TMEM132B: variants seen among roughly 807,000 people sequenced by gnomAD.
TMEM132B encodes the protein transmembrane protein 132B.
A neutral mutation model predicts 90.8 loss-of-function variants in TMEM132B; 18 were observed. The observed-to-expected ratio is 0.20, with a 90% CI of 0.14 to 0.29. The LOEUF (loss-of-function observed/expected upper bound fraction) is 0.29. TMEM132B is among the 10% of genes least tolerant of loss of function. The pLI is 1.00. For synonymous variants in TMEM132B, 504 were observed against 523.3 expected (o/e 0.96, Z 0.50); for missense variants, 1,096 against 1,326.8 (o/e 0.83, Z 2.70).
chr12:125,579,008 A>G (rs1374359640), intron 4 of TMEM132B, among the ~76,000 whole-genome samples: 1 of 152,182 alleles, frequency 6.6e-6, no homozygotes, highest in Non-Finnish European at 1.5e-5. Flanking sequence ...CACCTTTGCC[A>G]TTAATTACTC....
intron 1 of TMEM132B, among the ~76,000 whole-genome samples, chr12:125,331,807 G>T (rs901073927): frequency 6.6e-6 from 1 of 152,226 alleles, no homozygotes; most frequent in Non-Finnish European, 1.5e-5. Context: ...AGGCTGGAGT[G>T]TAGTGGTGTA....
chr12:125,388,168 C>T (rs1380969779), intron 2 of TMEM132B, among the ~76,000 whole-genome samples: 2 of 152,186 alleles, frequency 1.3e-5, no homozygotes, highest in Non-Finnish European at 2.9e-5. Flanking sequence ...TGGCTCACTC[C>T]TATAATCCCG....
chr12:125,267,579 A>C (rs1367008026), intron 1 of TMEM132B, among the ~76,000 whole-genome samples: 4 of 152,200 alleles, frequency 2.6e-5, no homozygotes, highest in African/African-American at 9.7e-5. Context: ...TGTCACACAG[A>C]AATGTTTCTC....
intron 1 of TMEM132B, among the ~76,000 whole-genome samples, chr12:125,247,210 G>C (rs940387667): frequency 6.6e-6 from 1 of 152,118 alleles, no homozygotes; most frequent in Admixed American, 6.5e-5. Context: ...GAGTTGTTCA[G>C]AACAATCCTA....
chr12:125,338,214 A>C (rs1877038467), intron 1 of TMEM132B, among the ~76,000 whole-genome samples: 1 of 152,186 alleles, frequency 6.6e-6, no homozygotes, highest in African/African-American at 2.4e-5. Context: ...GCTGCAAGTA[A>C]CAGAAGCCCT....
At chr12:125,525,011 G>A (rs1029126156) in intron 4 of TMEM132B, among the ~76,000 whole-genome samples, 4 of 152,178 alleles carry the variant, frequency 2.6e-5, no homozygotes, top group African/African-American at 9.7e-5. Context: ...GTTCTAGGCA[G>A]ATGGAATGAT....
At chr12:125,196,966 A>G (rs781203592) in intron 1 of TMEM132B, among the ~76,000 whole-genome samples, 10 of 152,034 alleles carry the variant, frequency 6.6e-5, no homozygotes, top group Non-Finnish European at 1.2e-4. Context: ...TTTGGTATTC[A>G]TTTTTCCTGC....
chr12:125,285,775 G>T (rs760678941), intron 1 of TMEM132B, among the ~76,000 whole-genome samples: 10 of 152,208 alleles, frequency 6.6e-5, no homozygotes, highest in Admixed American at 2.0e-4. Flanking sequence ...ATACTCCAGG[G>T]CCTGGCCTGG....
chr12:125,491,379 A>T (rs1052511217), intron 3 of TMEM132B, among the ~76,000 whole-genome samples: 6 of 152,114 alleles, frequency 3.9e-5, no homozygotes, highest in Admixed American at 1.3e-4. Context: ...AATTACTAAT[A>T]CAAAGCTTTT....
At position 125,637,130 on chromosome 12, in the gene TMEM132B, A is replaced by T. The variant is rs141581261; in HGVS notation, c.1438-6946A>T. Among the ~76,000 whole-genome samples the T allele has an allele frequency of 7.2e-3, 1,097 of 152,314 alleles. 5 individuals carry two copies. The highest frequency in any genetic ancestry group is 0.034 in the Middle Eastern group (10 of 294). The stretch of plus-strand genomic sequence containing the variant: ...AACTTAATAAAAATTATTAATTTGT[A>T]GTTTGATAAGGGTGGGAGAAATGCT... On this transcript the variant is annotated intron_variant, in intron 5 of 8. Coordinates refer to ENST00000682704, the MANE Select transcript of TMEM132B (RefSeq NM_001366854.1).
rs557599867 is a variant in TMEM132B, at chr12:125,537,605, G to T, written c.1293+17980G>T. 9.6e-4 allele frequency among the ~76,000 whole-genome samples: 147 copies of T among 152,332 alleles called. 1 individual carries two copies. The highest frequency in any genetic ancestry group is 3.4e-3 in the African/African-American group (141 of 41,568). On this transcript the variant is annotated intron_variant, in intron 4 of 8. Transcript: ENST00000682704. ...ATATTGATTGATGCCATCCCTGGCT[G>T]TTTCCACATGACAAAGGCAGAAGGG...
intron 1 of TMEM132B, among the ~76,000 whole-genome samples, chr12:125,263,149 G>A (rs150335640): frequency 2.5e-4 from 38 of 152,340 alleles, no homozygotes; most frequent in Non-Finnish European, 3.7e-4. Context: ...TTTTACATCT[G>A]TGGGGACAAT....
At chr12:125,334,152 G>C (rs767826604) in intron 1 of TMEM132B, among the ~76,000 whole-genome samples, 1 of 152,108 alleles carries the variant, frequency 6.6e-6, no homozygotes, top group Non-Finnish European at 1.5e-5. Context: ...TCATTAGTAT[G>C]AATTTTACCA....
intron 1 of TMEM132B, chr12:125,301,005 C>T (rs1284272875): frequency 1.3e-5 from 2 of 151,494 alleles, no homozygotes; most frequent in Admixed American, 6.6e-5. Flanking sequence ...TCCATTGCTA[C>T]GTGACTCTGG....
intron 3 of TMEM132B, among the ~76,000 whole-genome samples, chr12:125,499,737 G>A (rs540179959): frequency 1.5e-4 from 23 of 152,254 alleles, no homozygotes; most frequent in East Asian, 5.8e-4. Flanking sequence ...CTAGCTTCAC[G>A]TCCTGTTTCT....
rs1593043015 is a variant in TMEM132B at position 125,212,159 on chromosome 12, C to T, written c.67+25293C>T. On this transcript the variant is annotated intron_variant, in intron 1 of 8. Coordinates refer to ENST00000682704, the MANE Select transcript of TMEM132B (RefSeq NM_001366854.1). ...TGGGCTTTGCTTTGTGTTCTGCTTT[C>T]GATGGCAGGGCTTCCTATCCCAGTG... Among the ~76,000 whole-genome samples, 5 of 152,142 alleles carry T rather than the reference C, an allele frequency of 3.3e-5. 1 individual carries two copies. In the South Asian group the frequency reaches 6.2e-4, roughly 19 times the overall value.
At chr12:125,319,415 T>A (rs974144453) in intron 1 of TMEM132B, among the ~76,000 whole-genome samples, 4 of 152,182 alleles carry the variant, frequency 2.6e-5, no homozygotes, top group African/African-American at 9.7e-5. Flanking sequence ...GCTGCCGCCT[T>A]GTGTTCAAGC....
intron 1 of TMEM132B, among the ~76,000 whole-genome samples, chr12:125,227,796 G>A (rs1355716036): frequency 2.0e-5 from 3 of 152,126 alleles, no homozygotes; most frequent in Non-Finnish European, 4.4e-5. Context: ...CTGGTTGTGT[G>A]TAGGGCTGAA....
At chr12:125,345,986 TA>T (rs201634636) in intron 1 of TMEM132B, among the ~76,000 whole-genome samples, 1,888 of 152,350 alleles carry the variant, frequency 0.012, 15 homozygotes, top group Non-Finnish European at 0.021. Flanking sequence ...CGTGGCTTCA[TA>T]AAATGCTCCT....
Sources: allele counts gnomAD v4.1 joint callset (sites outside exome capture counted in the v4.1 genomes callset), GRCh38; gene constraint gnomAD v4.1.1; transcripts MANE v1.5; gene names NCBI Gene and HGNC (gene_info 2026-07-23, HGNC 2026-07-21).